Variants in FBXL18 observed in about 807,000 individuals in gnomAD.
FBXL18 encodes F-box/LRR-repeat protein 18.
FBXL18 carries 36 observed loss-of-function variants against 46.0 expected under a neutral mutation model. The ratio of observed to expected loss-of-function variants is 0.78; its 90% CI spans 0.60 to 1.03. The LOEUF is 1.03. Ranked by LOEUF, FBXL18 falls within the 50% of genes least tolerant of loss-of-function variation. FBXL18 has a pLI of 0.00. For synonymous variants in FBXL18, 557 were observed against 465.3 expected (o/e 1.20, Z -2.54); for missense variants, 977 against 1,004.1 (o/e 0.97, Z 0.36).
At chr7:5,474,950 C>T (rs1189232341), downstream of FBXL18, among the ~76,000 whole-genome samples, 7 of 146,766 alleles carry the variant, frequency 4.8e-5, no homozygotes, top group Non-Finnish European at 9.1e-5. Context: ...CCTCGTGATC[C>T]GCCCGCCTCG....
At position 5,496,203 on chromosome 7, in the gene FBXL18, C is replaced by T. The variant is rs186171816; in HGVS notation, c.1781+4285G>A. 1.5e-3 allele frequency among the ~76,000 whole-genome samples: 221 copies of T among 152,216 alleles called. No individual in the cohort carries two copies. Among genetic ancestry groups the T allele is most frequent in the African/African-American group, 4.9e-3 (203 of 41,526 alleles). The stretch of plus-strand genomic sequence containing the variant: ...ATCCATTAAGTGGGTACAACTGTGT[C>T]GACACTCAGAGGTTGTTGAGAATAT... On this transcript the variant is annotated intron_variant, in intron 3 of 4. Transcript: ENST00000382368. This position sits in a 1 kb window ranked among gnomAD's most constrained non-coding sequence, Gnocchi z 4.8.
At chr7:5,460,117 T>G (rs7786990) in intron 4 of FBXL18, among the ~76,000 whole-genome samples, 40,440 of 150,940 alleles carry the variant, frequency 0.27, 6,165 homozygotes, top group African/African-American at 0.4. Flanking sequence ...AGCCAAGTGT[T>G]GTGGTGCATG....
intron 1 of FBXL18, among the ~76,000 whole-genome samples, chr7:5,512,146 G>A (rs1784553601): frequency 6.6e-6 from 1 of 150,708 alleles, no homozygotes; most frequent in African/African-American, 2.4e-5. Flanking sequence ...TCGGGAGGCT[G>A]AGGCAGAAGA....
At chr7:5,486,268 AAT>A (rs1554320005) in intron 4 of FBXL18, among the ~76,000 whole-genome samples, 1 of 149,446 alleles carries the variant, frequency 6.7e-6, no homozygotes, top group Non-Finnish European at 1.5e-5. Flanking sequence ...AAAAAAAAAA[AAT>A]GAGCTGGTTG....
Position 5,496,436 on chromosome 7 carries a change from C to T in FBXL18, c.1781+4052G>A, listed in dbSNP as rs1035409460. ...TCCTCTTCCTGGCCAATCCTTGTCA[C>T]GTGTGCCCCAGCCCAATCCGTGGGC... On this transcript the variant is annotated intron_variant, in intron 3 of 4. Coordinates refer to ENST00000382368, the MANE Select transcript of FBXL18 (RefSeq NM_024963.6). The surrounding 1 kb of genome is among the most constrained non-coding windows in gnomAD (Gnocchi z 4.8). Among the ~76,000 whole-genome samples the T allele has an allele frequency of 6.6e-6, 1 of 152,110 alleles. No homozygotes were observed. The highest frequency in any genetic ancestry group is 1.5e-5 in the Non-Finnish European group (1 of 68,022).
chr7:5,469,210 G>C (rs191763577), intron 4 of FBXL18, among the ~76,000 whole-genome samples: 506 of 152,234 alleles, frequency 3.3e-3, no homozygotes, highest in Middle Eastern at 6.8e-3. Context: ...TCAGGAGTTC[G>C]AGACCAGACT....
At chr7:5,509,511 G>T (rs887296772) in intron 1 of FBXL18, among the ~76,000 whole-genome samples, 1 of 151,982 alleles carries the variant, frequency 6.6e-6, no homozygotes, top group African/African-American at 2.4e-5. Flanking sequence ...TGGCCAATAT[G>T]GTGAAACCCC....
chr7:5,456,850 A>G (rs1411191375), intron 4 of FBXL18, among the ~76,000 whole-genome samples: 1 of 152,122 alleles, frequency 6.6e-6, no homozygotes, highest in East Asian at 1.9e-4. Flanking sequence ...TGCAACCTCC[A>G]TCTCCTTGGT....
At chr7:5,499,934 A>G (rs1784187531) in intron 3 of FBXL18, among the ~76,000 whole-genome samples, 4 of 151,510 alleles carry the variant, frequency 2.6e-5, no homozygotes, top group Admixed American at 2.6e-4. Context: ...GCATGATGGC[A>G]TATGCCTGTA....
In FBXL18 at chr7:5,501,465, G is replaced by C. The variant is rs758498023; in HGVS notation, c.804C>G (p.Ser268=). 2 of 1,613,688 alleles carry C rather than the reference G, an allele frequency of 1.2e-6. No individual in the cohort carries two copies. The highest frequency in any genetic ancestry group is 8.5e-7 in the Non-Finnish European group (1 of 1,180,040). The change falls in exon 3 of 5, where the codon TCC becomes TCG. Residue 268 remains serine, a synonymous_variant. Coordinates refer to ENST00000382368, the MANE Select transcript of FBXL18 (RefSeq NM_024963.6). ...CGCTCTCCGCGAAGCTGCCAGGGAC[G>C]GAGATGAGGAAGGCGTGGAGGTTCT... ...TPQNLHAFLI[S]VPGSFAESGA...
At chr7:5,497,024 C>G (rs1784097966) in intron 3 of FBXL18, among the ~76,000 whole-genome samples, 1 of 109,472 alleles carries the variant, frequency 9.1e-6, no homozygotes, top group Non-Finnish European at 1.7e-5. Flanking sequence ...GAGTGAGACT[C>G]TGTCTCAAAA....
At chr7:5,457,903 C>T (rs1227796148) in intron 4 of FBXL18, among the ~76,000 whole-genome samples, 8 of 152,350 alleles carry the variant, frequency 5.3e-5, no homozygotes, top group African/African-American at 1.9e-4. Flanking sequence ...CCTGCCACGA[C>T]GGAGCAACTA....
chr7:5,463,938 G>A lies in FBXL18; in HGVS notation c.2001-16095C>T, dbSNP rs1449168199. On this transcript the variant is annotated intron_variant and NMD_transcript_variant, in intron 4 of 6. Coordinates refer to the FBXL18 transcript ENST00000415009. The stretch of plus-strand genomic sequence containing the variant: ...ATATTTTTAGTAGAGACGGGGTTTC[G>A]CCATGTTGGTCAGTCTGGTCTCGAA... Among the ~76,000 whole-genome samples, 6 of 151,050 alleles carry A rather than the reference G, an allele frequency of 4.0e-5. No individual in the cohort carries two copies. In the South Asian group the frequency reaches 8.3e-4, roughly 21 times the overall value.
In FBXL18 at chr7:5,477,528, C is replaced by T. The variant is rs927640129; in HGVS notation, c.*4247G>A. On this transcript the variant is annotated 3_prime_UTR_variant, in exon 5 of 5. Coordinates refer to ENST00000382368, the MANE Select transcript of FBXL18 (RefSeq NM_024963.6). This position sits in a 1 kb window ranked among gnomAD's most constrained non-coding sequence, Gnocchi z 4.4. Reference sequence around the variant, plus strand: ...GGCCAGCCTGACCAACATGGTGCAACCCCATCTCTGCAAAAATACAAAAAT... The same window carrying T: ...GGCCAGCCTGACCAACATGGTGCAATCCCATCTCTGCAAAAATACAAAAAT... 6.6e-6 allele frequency among the ~76,000 whole-genome samples: 1 copy of T among 152,102 alleles called. No individual in the cohort carries two copies. Among genetic ancestry groups the T allele is most frequent in the Non-Finnish European group, 1.5e-5 (1 of 68,034 alleles).
Position 5,491,305 on chromosome 7 carries a change from C to T in FBXL18, c.1926G>A (p.Gln642=), listed in dbSNP as rs781743869. ...CGGTGAACAGGTGGCACATGACAAC[C>T]TGCAGGCAGCGAGCCATGAAGGCCA... ...AVLAFMARCL[Q]VVMCHLFTGE... is the part of the protein sequence containing the mutation. The change falls in exon 4 of 5, where the codon CAG becomes CAA. Residue 642 remains glutamine, a synonymous_variant. Transcript: ENST00000382368. 9 of 1,612,364 alleles carry T rather than the reference C, an allele frequency of 5.6e-6. No homozygotes were observed. The East Asian group carries it at 1.8e-4, about 32-fold the overall frequency.
Position 5,480,143 on chromosome 7 carries a change from C to A in FBXL18, c.*1632G>T, listed in dbSNP as rs951809264. On this transcript the variant is annotated 3_prime_UTR_variant, in exon 5 of 5. Transcript: ENST00000382368. ...ATTGGAGGCCTGGGGATGGTGTACC[C>A]CATTTTTTAACAGCAAAGCAAATGT... 1.2e-4 allele frequency among the ~76,000 whole-genome samples: 19 copies of A among 152,188 alleles called. No homozygotes were observed. The highest frequency in any genetic ancestry group is 1.2e-3 in the Admixed American group (19 of 15,278).
intron 3 of FBXL18, among the ~76,000 whole-genome samples, chr7:5,493,469 G>T (rs1014185389): frequency 2.0e-5 from 3 of 151,536 alleles, no homozygotes; most frequent in Admixed American, 6.6e-5. Context: ...CTAATTTTTT[G>T]TATTTTTAGT....
Position 5,501,273 on chromosome 7 carries a change from G to T in FBXL18, c.996C>A (p.Ile332=). The part of the protein sequence containing the change: ...SRCTLSGGHL[I]QQVINGGKDL... ...CCTTCCCGCCGTTGATGACCTGCTGGATCAGATGGCCGCCTGACAGGGTAC... is the reference window on the plus strand; with the variant it reads ...CCTTCCCGCCGTTGATGACCTGCTGTATCAGATGGCCGCCTGACAGGGTAC... The change falls in exon 3 of 5, where the codon ATC becomes ATA. Residue 332 remains isoleucine, a synonymous_variant. Coordinates refer to ENST00000382368, the MANE Select transcript of FBXL18 (RefSeq NM_024963.6). 1 of 1,614,150 alleles carries T rather than the reference G, an allele frequency of 6.2e-7. No individual in the cohort carries two copies. Among genetic ancestry groups the T allele is most frequent in the African/African-American group, 1.3e-5 (1 of 75,076 alleles).
In FBXL18 at chr7:5,500,756, C is replaced by G; in HGVS notation, c.1513G>C (p.Ala505Pro). 6.2e-7 allele frequency: 1 copy of G among 1,612,386 alleles called. No homozygotes were observed. Among genetic ancestry groups the G allele is most frequent in the Non-Finnish European group, 8.5e-7 (1 of 1,179,698 alleles). The change falls in exon 3 of 5, where the codon GCC (alanine) becomes CCC (proline). Residue 505 changes from alanine to proline, a missense_variant. Coordinates refer to ENST00000382368, the MANE Select transcript of FBXL18 (RefSeq NM_024963.6). ...FSSAMPRNEP[A>P]IRNSLPPCSR... ...CAGGGTGGGAGCGAGTTGCGGATGG[C>G]GGGCTCGTTGCGGGGCATGGCGGAG...
Sources: gnomAD v4.1 joint callset for allele counts (sites outside exome capture counted in the v4.1 genomes callset) on GRCh38, gnomAD v4.1.1 for gene constraint, Gnocchi (gnomAD v3.1) non-coding constraint, MANE v1.5 for transcripts, NCBI Gene and HGNC (gene_info 2026-07-23, HGNC 2026-07-21) for gene names.